Variants in DERA observed in about 807,000 individuals in gnomAD.
The protein encoded by DERA is deoxyribose-phosphate aldolase, also known as 2-deoxy-D-ribose 5-phosphate aldolase.
In DERA, 15 loss-of-function variants were observed where a neutral mutation model predicts 41.1. The observed-to-expected ratio is 0.37, with a 90% CI of 0.24 to 0.56. The LOEUF (loss-of-function observed/expected upper bound fraction) is 0.56, where lower values mean the gene tolerates loss of function less well. DERA is among the 20% of genes least tolerant of loss of function. The pLI is 0.81. For synonymous variants in DERA, 139 were observed against 137.4 expected, an observed-to-expected ratio of 1.01 and a Z score of -0.08; for missense variants, 396 against 403.4, an observed-to-expected ratio of 0.98 and a Z score of 0.16.
In DERA at chr12:15,931,749, T is replaced by G. The variant is rs150578334; in HGVS notation, c.31+20335T>G. Among the ~76,000 whole-genome samples the G allele has an allele frequency of 7.2e-5, 11 of 152,204 alleles. No individual in the cohort carries two copies. Among genetic ancestry groups the G allele is most frequent in the Non-Finnish European group, 1.6e-4 (11 of 68,004 alleles). The stretch of plus-strand genomic sequence containing the variant: ...TGTAGGTGGATTTATGTGAACAGAT[T>G]TATGCTCTCTCTGGGGAGGGAGTGG... On this transcript the variant is annotated intron_variant, in intron 1 of 8. Transcript: ENST00000428559. This position sits in a 1 kb window ranked among gnomAD's most constrained non-coding sequence, Gnocchi z 4.6.
rs544019034 is a variant in DERA at position 15,943,893 on chromosome 12, G to A, written c.32-13043G>A. The stretch of plus-strand genomic sequence containing the variant: ...TCCCTCCCCCCTCCCCCCACCCCAC[G>A]ACAGACCCTGGTGTGTGATGTTCCC... On this transcript the variant is annotated intron_variant, in intron 1 of 8. Coordinates refer to ENST00000428559, the MANE Select transcript of DERA (RefSeq NM_015954.4). The surrounding 1 kb of genome is among the most constrained non-coding windows in gnomAD (Gnocchi z 4.5). Among the ~76,000 whole-genome samples, 145 of 91,912 alleles carry A rather than the reference G, an allele frequency of 1.6e-3. 1 individual carries two copies. The highest frequency in any genetic ancestry group is 6.3e-3 in the African/African-American group (139 of 22,002). 60.3% of individuals were successfully genotyped at this position (91,912 alleles called of 152,430 possible).
intron 6 of DERA, among the ~76,000 whole-genome samples, chr12:15,991,196 C>T (rs772415705): frequency 3.9e-5 from 6 of 152,122 alleles, no homozygotes; most frequent in Non-Finnish European, 8.8e-5. Context: ...ATTTGCGTTT[C>T]TCTAATAATC....
Position 15,918,049 on chromosome 12 carries a change from G to A in DERA, c.31+6635G>A, listed in dbSNP as rs143001555. 5.4e-3 allele frequency among the ~76,000 whole-genome samples: 829 copies of A among 152,196 alleles called. No homozygotes were observed. The highest frequency in any genetic ancestry group is 8.9e-3 in the Non-Finnish European group (605 of 68,000). ...GTTCACACTAATACCACCAGTTCTG[G>A]TCCAACACCACAGGATTTATCCCAG... On this transcript the variant is annotated intron_variant, in intron 1 of 8. Coordinates refer to ENST00000428559, the MANE Select transcript of DERA (RefSeq NM_015954.4). The surrounding 1 kb of genome is among the most constrained non-coding windows in gnomAD (Gnocchi z 4.3).
rs899778824 is a variant in DERA, at chr12:16,000,319, A to C, written c.637+17883A>C. On this transcript the variant is annotated intron_variant, in intron 6 of 8. Coordinates refer to ENST00000428559, the MANE Select transcript of DERA (RefSeq NM_015954.4). This position sits in a 1 kb window ranked among gnomAD's most constrained non-coding sequence, Gnocchi z 4.8. ...TTCTGTTCTTGCAACAAGGAAAAAC[A>C]TAGTAACGTTTTTAAGGAAATCTGA... Among the ~76,000 whole-genome samples, 1 of 152,218 alleles carries C rather than the reference A, an allele frequency of 6.6e-6. No individual in the cohort carries two copies. Among genetic ancestry groups the C allele is most frequent in the African/African-American group, 2.4e-5 (1 of 41,458 alleles).
At chr12:15,949,778 C>T (rs1948483098) in intron 1 of DERA, among the ~76,000 whole-genome samples, 1 of 152,210 alleles carries the variant, frequency 6.6e-6, no homozygotes, top group Non-Finnish European at 1.5e-5. Flanking sequence ...AATCACCCGT[C>T]TTCTGCGTTG....
chr12:16,030,301 TTA>T (rs1401553819), intron 6 of DERA, among the ~76,000 whole-genome samples: 1 of 152,106 alleles, frequency 6.6e-6, no homozygotes, highest in African/African-American at 2.4e-5. Context: ...ATATCCATTA[TTA>T]TACCCAAAAG....
chr12:15,923,028 T>C (rs986832010), intron 1 of DERA, among the ~76,000 whole-genome samples: 2 of 134,634 alleles, frequency 1.5e-5, no homozygotes, highest in Non-Finnish European at 3.1e-5. Context: ...TTTTTTTTTT[T>C]TTTTTTTTTT....
rs528312336 is a variant in DERA, at chr12:15,921,357, A to T, written c.31+9943A>T. Among the ~76,000 whole-genome samples, 1 of 152,338 alleles carries T rather than the reference A, an allele frequency of 6.6e-6. No homozygotes were observed. The highest frequency in any genetic ancestry group is 2.1e-4 in the South Asian group (1 of 4,826). The stretch of plus-strand genomic sequence containing the variant: ...ATAAGGATATCTTCTCTGTGGTCTC[A>T]GAGACTGGAGGAGATAGACCTCTAA... On this transcript the variant is annotated intron_variant, in intron 1 of 8. Coordinates refer to ENST00000428559, the MANE Select transcript of DERA (RefSeq NM_015954.4). The surrounding 1 kb of genome is among the most constrained non-coding windows in gnomAD (Gnocchi z 5.3).
chr12:15,925,600 A>G (rs1948276232), intron 1 of DERA, among the ~76,000 whole-genome samples: 1 of 152,208 alleles, frequency 6.6e-6, no homozygotes, highest in Non-Finnish European at 1.5e-5. Context: ...TTACCTTTAT[A>G]ACTTATCTGT....
At position 15,915,128 on chromosome 12, in the gene DERA, G is replaced by A. The variant is rs1397167798; in HGVS notation, c.31+3714G>A. ...ACTGCCTTCACAGAGCTATTAATCGGTCTGGTTCAGGACCTGGACATCAAG... is the reference window on the plus strand; with the variant it reads ...ACTGCCTTCACAGAGCTATTAATCGATCTGGTTCAGGACCTGGACATCAAG... On this transcript the variant is annotated intron_variant, in intron 1 of 8. Transcript: ENST00000428559. This position sits in a 1 kb window ranked among gnomAD's most constrained non-coding sequence, Gnocchi z 4.8. 6.6e-6 allele frequency among the ~76,000 whole-genome samples: 1 copy of A among 152,152 alleles called. No individual in the cohort carries two copies. The highest frequency in any genetic ancestry group is 1.5e-5 in the Non-Finnish European group (1 of 68,026).
At chr12:16,032,223 A>G (rs1025656016) in intron 6 of DERA, among the ~76,000 whole-genome samples, 1 of 152,200 alleles carries the variant, frequency 6.6e-6, no homozygotes, top group Non-Finnish European at 1.5e-5. Context: ...AGCATAGGGC[A>G]TAAAATTGTT....
chr12:15,987,230 CTTTTTTTTTT>C (rs995016192), intron 6 of DERA, among the ~76,000 whole-genome samples: 4 of 85,350 alleles, frequency 4.7e-5, no homozygotes, highest in African/African-American at 9.1e-5. Context: ...TATATATGTA[CTTTTTTTTTT>C]TTTTTTTTTT....
chr12:16,007,531 A>C (rs192033613), intron 6 of DERA, among the ~76,000 whole-genome samples: 1 of 152,266 alleles, frequency 6.6e-6, no homozygotes, highest in East Asian at 1.9e-4. Flanking sequence ...GAATTCATTT[A>C]GATTTTGTAA....
At chr12:15,944,979 A>C (rs866793198) in intron 1 of DERA, among the ~76,000 whole-genome samples, 2 of 152,298 alleles carry the variant, frequency 1.3e-5, no homozygotes, top group Admixed American at 6.5e-5. Flanking sequence ...TCATTTGTTA[A>C]ATAGGGAATC....
rs141841278 is a variant in DERA, at chr12:15,981,577, G to A, written c.509-731G>A. Among the ~76,000 whole-genome samples, 5 of 152,282 alleles carry A rather than the reference G, an allele frequency of 3.3e-5. No homozygotes were observed. The highest frequency in any genetic ancestry group is 1.2e-4 in the African/African-American group (5 of 41,556). On this transcript the variant is annotated intron_variant, in intron 5 of 8. Coordinates refer to ENST00000428559, the MANE Select transcript of DERA (RefSeq NM_015954.4). This position sits in a 1 kb window ranked among gnomAD's most constrained non-coding sequence, Gnocchi z 6.1. ...GGTCTAATTTGCTTACTAAAATCCT[G>A]CTACCTTTCATGTAAAATGTTACCT...
At position 15,928,267 on chromosome 12, in the gene DERA, A is replaced by G. The variant is rs575183787; in HGVS notation, c.31+16853A>G. Among the ~76,000 whole-genome samples the G allele has an allele frequency of 6.6e-6, 1 of 152,298 alleles. No individual in the cohort carries two copies. Among genetic ancestry groups the G allele is most frequent in the African/African-American group, 2.4e-5 (1 of 41,572 alleles). On this transcript the variant is annotated intron_variant, in intron 1 of 8. Transcript: ENST00000428559. This position sits in a 1 kb window ranked among gnomAD's most constrained non-coding sequence, Gnocchi z 4.6. The stretch of plus-strand genomic sequence containing the variant: ...GACTGAAACTTTGTACCCTTTGACC[A>G]TCATCTCTAATTACCTGCCTTAATT...
At chr12:15,914,323 A>C (rs1310652149) in intron 1 of DERA, among the ~76,000 whole-genome samples, 1 of 151,626 alleles carries the variant, frequency 6.6e-6, no homozygotes, top group Non-Finnish European at 1.5e-5. Flanking sequence ...TGGAGGTTGC[A>C]GTGAGCTGGA....
At chr12:15,980,812 C>A (rs1244063240) in intron 5 of DERA, among the ~76,000 whole-genome samples, 1 of 152,078 alleles carries the variant, frequency 6.6e-6, no homozygotes, top group African/African-American at 2.4e-5. Context: ...AGAATATTTG[C>A]TTTCATTTCT....
rs1277310510 is a variant in DERA, at chr12:16,001,137, T to C, written c.637+18701T>C. Among the ~76,000 whole-genome samples, 1 of 152,194 alleles carries C rather than the reference T, an allele frequency of 6.6e-6. No homozygotes were observed. Among genetic ancestry groups the C allele is most frequent in the African/African-American group, 2.4e-5 (1 of 41,430 alleles). On this transcript the variant is annotated intron_variant, in intron 6 of 8. Coordinates refer to ENST00000428559, the MANE Select transcript of DERA (RefSeq NM_015954.4). This position sits in a 1 kb window ranked among gnomAD's most constrained non-coding sequence, Gnocchi z 4.1. ...ATACCCAGGCAGAGCTGATACTCTA[T>C]TTCTTCCTGCTAAAATTCGGGCTCC...
Sources: gnomAD v4.1 joint callset for allele counts (sites outside exome capture counted in the v4.1 genomes callset) on GRCh38, gnomAD v4.1.1 for gene constraint, Gnocchi (gnomAD v3.1) non-coding constraint, MANE v1.5 for transcripts, NCBI Gene and HGNC (gene_info 2026-07-23, HGNC 2026-07-21) for gene names.